Variants in ZNF518A observed in about 807,000 individuals in gnomAD.
ZNF518A encodes zinc finger protein 518.
ZNF518A carries 47 observed loss-of-function variants against 102.7 expected under a neutral mutation model. That is an observed-to-expected ratio of 0.46 (90% CI 0.36 to 0.58). The LOEUF (loss-of-function observed/expected upper bound fraction) is 0.58. ZNF518A is among the 20% of genes least tolerant of loss of function. ZNF518A has a pLI of 0.00. For missense variants in ZNF518A, 1,793 were observed against 1,699.8 expected (o/e 1.05, Z -0.96); for synonymous variants, 652 against 594.6 (o/e 1.10, Z -1.40).
chr10:96,132,480 T>G (rs1401988155), intron 1 of ZNF518A, 106 bp from the exon 2 acceptor site: 2 of 131,580 alleles, frequency 1.5e-5, no homozygotes, highest in African/African-American at 2.6e-5. Context: ...TTTTCTTAGT[T>G]TTTTTTTTTT....
chr10:96,160,129 C>T lies in ZNF518A; in HGVS notation c.3807C>T (p.Ala1269=), dbSNP rs1554886910. The T allele has an allele frequency of 1.2e-6, 2 of 1,610,284 alleles. No individual in the cohort carries two copies. Among genetic ancestry groups the T allele is most frequent in the African/African-American group, 1.3e-5 (1 of 74,670 alleles). ...KTHGSKDSET[A]FVSRNRNCKR... is the part of the protein sequence containing the mutation. ...ATGGAAGTAAAGACTCTGAAACTGCCTTTGTATCTAGAAACAGAAACTGTA... is the reference window on the plus strand; with the variant it reads ...ATGGAAGTAAAGACTCTGAAACTGCTTTTGTATCTAGAAACAGAAACTGTA... The change falls in exon 6 of 6, where the codon GCC becomes GCT. Residue 1269 remains alanine (A), a synonymous_variant. Coordinates refer to ENST00000316045, the MANE Select transcript of ZNF518A (RefSeq NM_001330736.2).
chr10:96,139,316 C>A (rs2081789635), intron 3 of ZNF518A, among the ~76,000 whole-genome samples: 1 of 152,108 alleles, frequency 6.6e-6, no homozygotes, highest in East Asian at 1.9e-4. Flanking sequence ...TCCCCATACT[C>A]AAATTGATAC....
rs782547336 is a variant in ZNF518A, at chr10:96,191,993, A to T, written n.36-11581A>T. 3 of 1,613,656 alleles carry T rather than the reference A, an allele frequency of 1.9e-6. No homozygotes were observed. Among genetic ancestry groups the T allele is most frequent in the Admixed American group, 1.7e-5 (1 of 60,004 alleles). ...CCCCTTTATGAAACTTTAACTGCAT[A>T]CTTCAGTCTGGTGGAATCTTTTGTG... is the stretch of plus-strand genomic sequence containing the variant. On this transcript the variant is annotated intron_variant and non_coding_transcript_variant, in intron 1 of 2. Coordinates refer to the ZNF518A transcript ENST00000442635.
At chr10:96,194,372 A>G (rs2083405178) in intron 1 of ZNF518A, among the ~76,000 whole-genome samples, 2 of 152,254 alleles carry the variant, frequency 1.3e-5, no homozygotes, top group African/African-American at 4.8e-5. Flanking sequence ...TTAAAAGCAA[A>G]ATAAAATTCC....
chr10:96,165,845 G>A (rs1385077243), downstream of ZNF518A, among the ~76,000 whole-genome samples: 1 of 152,154 alleles, frequency 6.6e-6, no homozygotes, highest in African/African-American at 2.4e-5. Context: ...ATGTCTTGAG[G>A]GAATTAGGTT....
intron 1 of ZNF518A, among the ~76,000 whole-genome samples, chr10:96,132,000 C>T (rs1293271109): frequency 1.3e-5 from 2 of 151,038 alleles, no homozygotes; most frequent in South Asian, 2.1e-4. Context: ...TACTTTAGAG[C>T]ACTTAATACT....
At chr10:96,190,587 A>G (rs1453187741) in intron 1 of ZNF518A, among the ~76,000 whole-genome samples, 3 of 152,250 alleles carry the variant, frequency 2.0e-5, no homozygotes. Context: ...ATTTAAATAT[A>G]CAATTATCTT....
chr10:96,133,953 T>C (rs1564738422), intron 3 of ZNF518A, among the ~76,000 whole-genome samples: 1 of 152,364 alleles, frequency 6.6e-6, no homozygotes, highest in East Asian at 1.9e-4. Flanking sequence ...TTTGACTTCC[T>C]ACCACGAGAT....
In ZNF518A at chr10:96,157,990, A is replaced by G. The variant is rs373113011; in HGVS notation, c.1668A>G (p.Thr556=). Residue 556 remains threonine (T), a synonymous_variant, in exon 6 of 6, where the codon ACA becomes ACG. Coordinates refer to ENST00000316045, the MANE Select transcript of ZNF518A (RefSeq NM_001330736.2). ...YEKSVSSLSA[T]SELVTASVNL... is the part of the protein sequence containing the mutation. ...AAAGTGTATCTTCTTTGTCAGCAACATCAGAATTGGTTACAGCATCAGTGA... is the reference window on the plus strand; with the variant it reads ...AAAGTGTATCTTCTTTGTCAGCAACGTCAGAATTGGTTACAGCATCAGTGA... 2 of 1,613,832 alleles carry G rather than the reference A, an allele frequency of 1.2e-6. No homozygotes were observed. The highest frequency in any genetic ancestry group is 1.7e-6 in the Non-Finnish European group (2 of 1,179,794).
intron 1 of ZNF518A, among the ~76,000 whole-genome samples, chr10:96,131,166 G>A (rs1209532000): frequency 9.9e-5 from 15 of 152,204 alleles, no homozygotes; most frequent in Admixed American, 9.8e-4. Context: ...AATTTGTACA[G>A]TTGTCGCAGT....
At chr10:96,192,733 A>G (rs1357613769) in intron 1 of ZNF518A, among the ~76,000 whole-genome samples, 5 of 152,178 alleles carry the variant, frequency 3.3e-5, no homozygotes, top group African/African-American at 9.6e-5. Context: ...TTAATTTAAA[A>G]TTATCACAAA....
intron 3 of ZNF518A, chr10:96,151,340 A>G (rs1554880349): frequency 6.6e-6 from 1 of 152,272 alleles, no homozygotes; most frequent in African/African-American, 2.4e-5. Context: ...GCTCTTAAAC[A>G]GAGGAAGATA....
chr10:96,143,965 T>C (rs1456454322), intron 3 of ZNF518A, among the ~76,000 whole-genome samples: 1 of 152,180 alleles, frequency 6.6e-6, no homozygotes, highest in Non-Finnish European at 1.5e-5. Flanking sequence ...AAAAATGTAT[T>C]CTGTGCCTCA....
At chr10:96,149,106 T>C (rs1007888227) in intron 3 of ZNF518A, among the ~76,000 whole-genome samples, 17 of 152,212 alleles carry the variant, frequency 1.1e-4, no homozygotes, top group African/African-American at 3.9e-4. Context: ...ATTTTAAAAA[T>C]GAAGACATAC....
rs2083299949 is a variant in ZNF518A at position 96,189,741 on chromosome 10, A to G, written n.36-13833A>G. On this transcript the variant is annotated intron_variant and non_coding_transcript_variant, in intron 1 of 2. Transcript: ENST00000442635. Reference sequence around the variant, plus strand: ...CATCATCATCATCATCATCTTCATCAGCAGCAAGTTTTACTTTTATTCTCT... The same window carrying G: ...CATCATCATCATCATCATCTTCATCGGCAGCAAGTTTTACTTTTATTCTCT... 5.5e-6 allele frequency: 4 copies of G among 728,568 alleles called. No homozygotes were observed. In the African/African-American group the frequency reaches 7.0e-5, roughly 13 times the overall value. The allele number at this position is 728,568 out of a possible 1,614,324, so 45.1% of individuals were successfully genotyped here.
Position 96,157,718 on chromosome 10 carries a change from A to G in ZNF518A, c.1396A>G (p.Asn466Asp). 6.2e-7 allele frequency: 1 copy of G among 1,613,920 alleles called. No individual in the cohort carries two copies. Among genetic ancestry groups the G allele is most frequent in the East Asian group, 2.2e-5 (1 of 44,880 alleles). Residue 466 changes from asparagine to aspartate, a missense_variant, in exon 6 of 6, where the codon AAT becomes GAT. Asn to Asp is a conservative substitution (Grantham distance 23). Around this residue, in one of 3 missense-constraint regions of ZNF518A, gnomAD observed 1,741 missense variants for 1,622.6 expected, o/e 1.07. Coordinates refer to ENST00000316045, the MANE Select transcript of ZNF518A (RefSeq NM_001330736.2). ...ATTAAAATTGGTGCCTATCAAACAAAATGTATGTTCACCAGGCTCACAGTC... is the reference window on the plus strand; with the variant it reads ...ATTAAAATTGGTGCCTATCAAACAAGATGTATGTTCACCAGGCTCACAGTC... ...IVLKLVPIKQNVCSPGSQSGA... is the reference protein window; with the variant it reads ...IVLKLVPIKQDVCSPGSQSGA...
intron 1 of ZNF518A, chr10:96,189,998 G>A (rs1367825021): frequency 1.2e-6 from 1 of 822,102 alleles, no homozygotes; most frequent in Non-Finnish European, 2.1e-6. Context: ...AGGTGCCAGT[G>A]TTATTTAATT....
intron 5 of ZNF518A, 40 bp from the exon 6 acceptor site, chr10:96,156,157 A>G (rs1335748792): frequency 3.7e-6 from 2 of 539,242 alleles, no homozygotes; most frequent in Non-Finnish European, 2.9e-6. Flanking sequence ...ATTTACTATT[A>G]TTTTTGTGAT....
At chr10:96,192,515 G>A (rs1053425590) in intron 1 of ZNF518A, among the ~76,000 whole-genome samples, 12 of 152,064 alleles carry the variant, frequency 7.9e-5, no homozygotes, top group Non-Finnish European at 1.2e-4. Flanking sequence ...TTTAGTACAA[G>A]GAAATAGTCA....
Sources: allele counts gnomAD v4.1 joint callset (sites outside exome capture counted in the v4.1 genomes callset), GRCh38; gene constraint gnomAD v4.1.1; regional missense constraint gnomAD v4.1.1; transcripts MANE v1.5; gene names NCBI Gene and HGNC (gene_info 2026-07-23, HGNC 2026-07-21).